The following PHF10 variants were observed in gnomAD, a reference collection of about 807,000 sequenced individuals.
The protein encoded by PHF10 is PHD finger protein 10.
Under a neutral mutation model 68.5 loss-of-function variants are expected in PHF10, and 51 were observed. That is an observed-to-expected ratio of 0.74 (90% confidence interval 0.59 to 0.94). The LOEUF is 0.94. Ranked by LOEUF, PHF10 falls within the 40% of genes least tolerant of loss-of-function variation. The pLI is 0.00. For missense variants in PHF10, 460 were observed against 602.6 expected (o/e 0.76, Z 2.48); for synonymous variants, 204 against 203.5 (o/e 1.00, Z -0.02).
intron 2 of PHF10, among the ~76,000 whole-genome samples, chr6:169,720,416 T>C (rs1280680270): frequency 1.3e-5 from 2 of 152,142 alleles, no homozygotes; most frequent in African/African-American, 4.8e-5. Flanking sequence ...CATCAACATC[T>C]GAATGGATAA....
chr6:169,723,803 C>G (rs1349785121), intron 1 of PHF10, 42 bp downstream of exon 1: 5 of 677,648 alleles, frequency 7.4e-6, no homozygotes, highest in East Asian at 1.0e-4. Context: ...CACCCAGGCC[C>G]GGGACGGGGT....
At chr6:169,719,011 T>C in intron 2 of PHF10, 93 bp from the exon 3 acceptor site, 1 of 824,178 alleles carries the variant, frequency 1.2e-6, no homozygotes, top group Non-Finnish European at 1.9e-6. Context: ...ATTTTAAGTA[T>C]TTAAATTATT....
chr6:169,724,003 C>CCGT lies in PHF10; in HGVS notation c.-73_-72insACG. 4.6e-6 allele frequency: 1 copy of CCGT among 216,018 alleles called. No individual in the cohort carries two copies. Among genetic ancestry groups the CCGT allele is most frequent in the Non-Finnish European group, 7.5e-6 (1 of 132,720 alleles). 13.4% of individuals were successfully genotyped at this position (216,018 alleles called of 1,614,324 possible). The stretch of plus-strand genomic sequence containing the variant: ...GTCCCGGCCGCCGCCGCCGCTGCCG[C>CCGT]CGCCGCCGCCGCCGCCGCCGCGCGG... On this transcript the variant is annotated 5_prime_UTR_variant, in exon 1 of 12. Transcript: ENST00000339209.
chr6:169,717,572 T>G (rs1440007854), intron 4 of PHF10, among the ~76,000 whole-genome samples: 1 of 152,224 alleles, frequency 6.6e-6, no homozygotes, highest in Non-Finnish European at 1.5e-5. Flanking sequence ...GAAGTATGGT[T>G]TCTACTGAAT....
In PHF10 at chr6:169,708,130, A is replaced by G. The variant is rs1788847672; in HGVS notation, c.1113+2106T>C. 3 of 152,332 alleles carry G rather than the reference A, an allele frequency of 2.0e-5. No individual in the cohort carries two copies. In the South Asian group the frequency reaches 6.2e-4, roughly 32 times the overall value. 9.4% of individuals were successfully genotyped at this position (152,332 alleles called of 1,614,324 possible). The stretch of plus-strand genomic sequence containing the variant: ...CATCATCAGAGTATCACTATTGACA[A>G]GAAAACTGAAATACTCATCCTAATA... On this transcript the variant is annotated intron_variant, in intron 9 of 11. Transcript: ENST00000339209.
chr6:169,716,005 G>A lies in PHF10; in HGVS notation c.493C>T (p.Leu165=), dbSNP rs1448429008. ...PAKHAEYSVI[L]QEKERQRITD... is the part of the protein sequence containing the mutation. Reference sequence around the variant, plus strand: ...ATTCGTTGACGTTCTTTTTCTTGTAGAATAACAGAATACTCAGCATGTTTG... The same window carrying A: ...ATTCGTTGACGTTCTTTTTCTTGTAAAATAACAGAATACTCAGCATGTTTG... Residue 165 remains leucine, a synonymous_variant, in exon 5 of 12, where the codon CTA becomes TTA. Transcript: ENST00000339209. 2 of 1,608,858 alleles carry A rather than the reference G, an allele frequency of 1.2e-6. No homozygotes were observed. Among genetic ancestry groups the A allele is most frequent in the Non-Finnish European group, 8.5e-7 (1 of 1,176,372 alleles).
chr6:169,721,752 C>A (rs539162155), intron 1 of PHF10, among the ~76,000 whole-genome samples: 1 of 152,080 alleles, frequency 6.6e-6, no homozygotes, highest in African/African-American at 2.4e-5. Flanking sequence ...TAAATTCAAC[C>A]ATTTCATTCA....
chr6:169,705,088 G>A, intron 11 of PHF10, 45 bp downstream of exon 11: 1 of 1,430,488 alleles, frequency 7.0e-7, no homozygotes, highest in South Asian at 1.3e-5. Flanking sequence ...TGCTGGGAGA[G>A]TCTCATCACC....
rs1379473089 is a variant in PHF10, at chr6:169,724,250, C to T, written c.-319G>A. Among the ~76,000 whole-genome samples the T allele has an allele frequency of 1.3e-4, 19 of 146,746 alleles. No homozygotes were observed. Among genetic ancestry groups the T allele is most frequent in the African/African-American group, 1.7e-4 (7 of 40,772 alleles). ...GCTTCTCACGTCAGCCCAACCCGCC[C>T]GGCCGCGGCCACCGCCTCAGCACCG... On this transcript the variant is annotated 5_prime_UTR_variant, in exon 1 of 12. Transcript: ENST00000339209.
At position 169,714,812 on chromosome 6, in the gene PHF10, C is replaced by T; in HGVS notation, c.724G>A (p.Val242Ile). The change falls in exon 7 of 12, where the codon GTT (valine) becomes ATT (isoleucine). Residue 242 changes from valine to isoleucine, a missense_variant. Physicochemically the swap from Val to Ile is conservative, Grantham distance 29 (BLOSUM62 3). Coordinates refer to ENST00000339209, the MANE Select transcript of PHF10 (RefSeq NM_018288.4). ...VIQVPQGKYK[V>I]LPTERTKVSS... ...ACCTTTGTTCGCTCTGTTGGCAAAA[C>T]TTTGTACTTCCCTTGAGGTACCTGG... The T allele has an allele frequency of 6.3e-7, 1 of 1,596,912 alleles. No individual in the cohort carries two copies.
At position 169,706,374 on chromosome 6, in the gene PHF10, G is replaced by T. The variant is rs192531475; in HGVS notation, c.1114-650C>A. On this transcript the variant is annotated intron_variant, in intron 9 of 11. Coordinates refer to ENST00000339209, the MANE Select transcript of PHF10 (RefSeq NM_018288.4). ...TACTTAGAAAGATTCACTATAAAAT[G>T]TAAAATTATAAAAGGGAAAAATAAG... Among the ~76,000 whole-genome samples the T allele has an allele frequency of 1.1e-4, 16 of 152,126 alleles. No homozygotes were observed. The South Asian group carries it at 3.1e-3, about 30-fold the overall frequency.
At chr6:169,719,995 A>C (rs1285205067) in intron 2 of PHF10, among the ~76,000 whole-genome samples, 1 of 151,982 alleles carries the variant, frequency 6.6e-6, no homozygotes, top group Admixed American at 6.5e-5. Context: ...CAAATAAAAA[A>C]TGGACAAAGA....
Position 169,723,923 on chromosome 6 carries a change from C to G in PHF10, c.9G>C (p.Ala3=). 9.8e-7 allele frequency: 1 copy of G among 1,022,594 alleles called. No individual in the cohort carries two copies. Among genetic ancestry groups the G allele is most frequent in the Non-Finnish European group, 1.2e-6 (1 of 849,004 alleles). The allele number at this position is 1,022,594 out of a possible 1,614,324, so 63.3% of individuals were successfully genotyped here. MA[A]AAGPGAALSP... ...ACAGCGCAGCCCCGGGCCCGGCCGC[C>G]GCCGCCATCAGCCCGAGCGCCCCGC... The change falls in exon 1 of 12, where the codon GCG becomes GCC. Residue 3 remains alanine, a synonymous_variant. Coordinates refer to ENST00000339209, the MANE Select transcript of PHF10 (RefSeq NM_018288.4).
chr6:169,704,704 CTG>C (rs1562983242), intron 11 of PHF10: 1 of 171,042 alleles, frequency 5.8e-6, no homozygotes, highest in East Asian at 1.9e-4. Flanking sequence ...AGTCCAATTA[CTG>C]TGATTTATTC....
At chr6:169,705,551 A>G in intron 10 of PHF10, 65 bp downstream of exon 10, 1 of 936,318 alleles carries the variant, frequency 1.1e-6, no homozygotes, top group Non-Finnish European at 1.8e-6. Context: ...CTGAAACTAT[A>G]AATTCTAGTT....
Position 169,703,904 on chromosome 6 carries a change from A to C in PHF10, c.*99T>G. On this transcript the variant is annotated 3_prime_UTR_variant, in exon 12 of 12. Coordinates refer to ENST00000339209, the MANE Select transcript of PHF10 (RefSeq NM_018288.4). ...AATAACTGCAGATTTTAAGCTCATAATTTGCAAAAAAAATCTTTTATTGGC... is the reference window on the plus strand; with the variant it reads ...AATAACTGCAGATTTTAAGCTCATACTTTGCAAAAAAAATCTTTTATTGGC... 1 of 945,022 alleles carries C rather than the reference A, an allele frequency of 1.1e-6. No individual in the cohort carries two copies. Among genetic ancestry groups the C allele is most frequent in the Non-Finnish European group, 1.6e-6 (1 of 638,798 alleles). The allele number at this position is 945,022 out of a possible 1,614,324, so 58.5% of individuals were successfully genotyped here. A position where few individuals can be genotyped will look rare whatever the true frequency, so the allele number is the denominator to read the frequency against.
Position 169,715,983 on chromosome 6 carries a change from C to T in PHF10, c.515G>A (p.Arg172Gln), listed in dbSNP as rs1789038733. Residue 172 changes from arginine to glutamine, a missense_variant, in exon 5 of 12, where the codon CGA (arginine) becomes CAA (glutamine). This residue lies in a region of PHF10 where 256 missense variants were observed against 410.5 expected (regional missense o/e 0.62). Transcript: ENST00000339209. ...ATACTCTTTATAATGGTCTGTAATT[C>T]GTTGACGTTCTTTTTCTTGTAGAAT... ...SVILQEKERQ[R>Q]ITDHYKEYSQ... The T allele has an allele frequency of 1.2e-6, 2 of 1,608,126 alleles. No individual in the cohort carries two copies. Among genetic ancestry groups the T allele is most frequent in the East Asian group, 2.2e-5 (1 of 44,832 alleles).
chr6:169,715,756 G>A lies in PHF10; in HGVS notation c.645C>T (p.Asn215=). ...CTCTTCTTTCTTCCATGCGTTCCCG[G>A]TTTAAGTTGCTATTAAATTCTGCTG... ...KKAAEFNSNL[N]RERMEERRAY... Residue 215 remains asparagine (N), a synonymous_variant, in exon 6 of 12, where the codon AAC becomes AAT. Coordinates refer to ENST00000339209, the MANE Select transcript of PHF10 (RefSeq NM_018288.4). The A allele has an allele frequency of 1.2e-6, 2 of 1,613,050 alleles. No individual in the cohort carries two copies. The highest frequency in any genetic ancestry group is 1.7e-5 in the Admixed American group (1 of 60,026).
intron 1 of PHF10, among the ~76,000 whole-genome samples, chr6:169,721,686 AAAG>A (rs988845203): frequency 9.0e-5 from 13 of 144,242 alleles, no homozygotes; most frequent in African/African-American, 1.9e-4. Flanking sequence ...TTTTTTTTTT[AAAG>A]AAGATTATAT....
Sources: gnomAD v4.1 joint callset for allele counts (sites outside exome capture counted in the v4.1 genomes callset) on GRCh38, gnomAD v4.1.1 for gene constraint, gnomAD v4.1.1 regional missense constraint, MANE v1.5 for transcripts, NCBI Gene and HGNC (gene_info 2026-07-23, HGNC 2026-07-21) for gene names.